REXO1: variants seen among roughly 807,000 people sequenced by gnomAD.
REXO1 encodes the protein RNA exonuclease 1 homolog.
In REXO1, 42 loss-of-function variants were observed where a neutral mutation model predicts 102.6. The ratio of observed to expected loss-of-function variants is 0.41; its 90% CI spans 0.32 to 0.53. The LOEUF is 0.53. REXO1 is among the 20% of genes least tolerant of loss of function. The pLI is 0.27. For synonymous variants in REXO1, 908 were observed against 779.1 expected, an observed-to-expected ratio of 1.17 and a Z score of -2.76; for missense variants, 1,819 against 1,732.5, an observed-to-expected ratio of 1.05 and a Z score of -0.89.
At position 1,815,783 on chromosome 19, in the gene REXO1, C is replaced by T. The variant is rs545843452; in HGVS notation, c.*283G>A. On this transcript the variant is annotated 3_prime_UTR_variant, in exon 16 of 16. Transcript: ENST00000170168. The surrounding 1 kb of genome is among the most constrained non-coding windows in gnomAD (Gnocchi z 4.0). ...CTGGCAGGAGGGGCAGGAGGGGCTG[C>T]GGGCCGGGTGGGGGCGGGCTCTGTC... 8.3e-6 allele frequency: 12 copies of T among 1,439,590 alleles called. No homozygotes were observed. The East Asian group carries it at 1.0e-4, about 12-fold the overall frequency. 89.2% of individuals were successfully genotyped at this position (1,439,590 alleles called of 1,614,324 possible). A position where few individuals can be genotyped will look rare whatever the true frequency, so the allele number is the denominator to read the frequency against.
intron 1 of REXO1, among the ~76,000 whole-genome samples, chr19:1,841,323 T>C (rs2011265751): frequency 6.6e-6 from 1 of 152,194 alleles, no homozygotes. Context: ...CACCCAGCGC[T>C]CCCCGGAAAC....
chr19:1,837,785 C>T (rs1167369984), intron 1 of REXO1, among the ~76,000 whole-genome samples: 1 of 152,198 alleles, frequency 6.6e-6, no homozygotes, highest in Non-Finnish European at 1.5e-5. Context: ...GTGCCAGGAC[C>T]GCCCAGCAGG....
intron 1 of REXO1, among the ~76,000 whole-genome samples, chr19:1,831,845 CAAAAAAA>C (rs745676775): frequency 1.6e-4 from 8 of 51,298 alleles, no homozygotes; most frequent in Non-Finnish European, 2.1e-4. Context: ...AACTCCATCT[CAAAAAAA>C]AAAAAAAAAA....
intron 1 of REXO1, among the ~76,000 whole-genome samples, chr19:1,841,068 C>T (rs1223503282): frequency 6.6e-6 from 1 of 152,204 alleles, no homozygotes; most frequent in Non-Finnish European, 1.5e-5. Flanking sequence ...AGGGATCGCC[C>T]CGAAACAGCC....
chr19:1,830,331 ATC>A (rs2069869202), intron 1 of REXO1, among the ~76,000 whole-genome samples: 1 of 152,136 alleles, frequency 6.6e-6, no homozygotes. Context: ...GATGACACAG[ATC>A]CCATCTCTTA....
At chr19:1,831,641 G>A (rs1310487971) in intron 1 of REXO1, among the ~76,000 whole-genome samples, 5 of 151,572 alleles carry the variant, frequency 3.3e-5, no homozygotes, top group East Asian at 1.9e-4. Flanking sequence ...TCAGGAGTTC[G>A]AGACCAGCCT....
chr19:1,826,042 G>GT lies in REXO1; in HGVS notation c.1912-100dup. Reference sequence around the variant, plus strand: ...CCCCCGGCAAGTGGGGAATGGAACAGTCCAGCCCCCAGGCACAGCAGCTGA... The same window carrying GT: ...CCCCCGGCAAGTGGGGAATGGAACAGTTCCAGCCCCCAGGCACAGCAGCTGA... On this transcript the variant is annotated intron_variant, in intron 2 of 15. Transcript: ENST00000170168. This position sits in a 1 kb window ranked among gnomAD's most constrained non-coding sequence, Gnocchi z 4.3. 1.2e-6 allele frequency: 1 copy of GT among 820,230 alleles called. No homozygotes were observed. Among genetic ancestry groups the GT allele is most frequent in the Non-Finnish European group, 2.1e-6 (1 of 484,168 alleles). 50.8% of individuals were successfully genotyped at this position (820,230 alleles called of 1,614,324 possible). A position where few individuals can be genotyped will look rare whatever the true frequency, so the allele number is the denominator to read the frequency against.
intron 1 of REXO1, among the ~76,000 whole-genome samples, chr19:1,829,243 G>A (rs1270189336): frequency 1.3e-5 from 2 of 152,184 alleles, no homozygotes; most frequent in East Asian, 3.9e-4. Context: ...AAAATCCACA[G>A]GAAGATTTTT....
Position 1,848,381 on chromosome 19 carries a change from C to T in REXO1, c.-23G>A, listed in dbSNP as rs947332818. The T allele has an allele frequency of 1.7e-6, 2 of 1,196,620 alleles. No homozygotes were observed. The highest frequency in any genetic ancestry group is 2.1e-6 in the Non-Finnish European group (2 of 959,950). The allele number at this position is 1,196,620 out of a possible 1,614,324, so 74.1% of individuals were successfully genotyped here. A position where few individuals can be genotyped will look rare whatever the true frequency, so the allele number is the denominator to read the frequency against. On this transcript the variant is annotated 5_prime_UTR_variant, in exon 1 of 16. Transcript: ENST00000170168. ...CATGGTCCGTCCCGCGGCGGGGCCC[C>T]GGCCCGGAGCCGCCCGGGCCCCAGG...
chr19:1,826,530 G>C lies in REXO1; in HGVS notation c.1911+348C>G, dbSNP rs2069728552. Among the ~76,000 whole-genome samples, 1 of 151,156 alleles carries C rather than the reference G, an allele frequency of 6.6e-6. No homozygotes were observed. Among genetic ancestry groups the C allele is most frequent in the African/African-American group, 2.4e-5 (1 of 41,066 alleles). On this transcript the variant is annotated intron_variant, in intron 2 of 15. Coordinates refer to ENST00000170168, the MANE Select transcript of REXO1 (RefSeq NM_020695.4). This position sits in a 1 kb window ranked among gnomAD's most constrained non-coding sequence, Gnocchi z 4.3. ...GGAAGGGAGGAAAGGGGAGGCGAGGGGAGAGGGGCTAGAAGGGTGTGCCGG... is the reference window on the plus strand; with the variant it reads ...GGAAGGGAGGAAAGGGGAGGCGAGGCGAGAGGGGCTAGAAGGGTGTGCCGG...
chr19:1,848,098 G>A (rs2011637268), intron 1 of REXO1, 104 bp downstream of exon 1: 1 of 530,944 alleles, frequency 1.9e-6, no homozygotes, highest in Non-Finnish European at 2.8e-6. Flanking sequence ...CGAACGTGTG[G>A]GGAGGAGGCT....
Position 1,843,204 on chromosome 19 carries a change from G to A in REXO1, c.157+4998C>T, listed in dbSNP as rs376162412. 7.8e-3 allele frequency among the ~76,000 whole-genome samples: 1,185 copies of A among 151,270 alleles called. 19 individuals are homozygous for A. The highest frequency in any genetic ancestry group is 0.026 in the African/African-American group (1,086 of 41,176). On this transcript the variant is annotated intron_variant, in intron 1 of 15. Coordinates refer to ENST00000170168, the MANE Select transcript of REXO1 (RefSeq NM_020695.4). ...TGGGCGAAGCTTCAACCCCCAGCCC[G>A]GAGGGTCCCAGCTCCCCGGGCCCAG... is the stretch of plus-strand genomic sequence containing the variant.
At chr19:1,817,142 G>A in intron 12 of REXO1, 77 bp downstream of exon 12, 3 of 1,567,170 alleles carry the variant, frequency 1.9e-6, no homozygotes, top group Non-Finnish European at 2.6e-6. Context: ...AGGCCCAGAT[G>A]GGGCCAGATG....
chr19:1,846,929 G>A (rs944063831), intron 1 of REXO1, among the ~76,000 whole-genome samples: 1 of 152,154 alleles, frequency 6.6e-6, no homozygotes, highest in African/African-American at 2.4e-5. Context: ...TGAGTCTGGT[G>A]TCACAGCCTC....
chr19:1,842,281 G>A (rs2145332202), intron 1 of REXO1, among the ~76,000 whole-genome samples: 1 of 151,586 alleles, frequency 6.6e-6, no homozygotes, highest in African/African-American at 2.4e-5. Context: ...CGCCAGACCG[G>A]CATCCTCATC....
At chr19:1,821,216 G>A (rs2069527158) in intron 5 of REXO1, among the ~76,000 whole-genome samples, 1 of 151,302 alleles carries the variant, frequency 6.6e-6, no homozygotes, top group African/African-American at 2.4e-5. Flanking sequence ...GTGGTGGCGG[G>A]CGCCTGTAGT....
Position 1,828,079 on chromosome 19 carries a change from A to G in REXO1, c.710T>C (p.Leu237Pro), listed in dbSNP as rs1386494145. 6.2e-7 allele frequency: 1 copy of G among 1,613,006 alleles called. No homozygotes were observed. The highest frequency in any genetic ancestry group is 1.3e-5 in the African/African-American group (1 of 74,894). The change falls in exon 2 of 16, where the codon CTC becomes CCC. Residue 237 changes from leucine (L) to proline (P), a missense_variant. Leu to Pro is a moderately conservative substitution (Grantham distance 98). Coordinates refer to ENST00000170168, the MANE Select transcript of REXO1 (RefSeq NM_020695.4). ...GAGGTGCCGGGCCGAGTAGTTGGAG[A>G]GAGGGTCATACTCCAGGTCTGTGGG... is the stretch of plus-strand genomic sequence containing the variant. Reference protein sequence around the residue: ...RPPTDLEYDPLSNYSARHLSR... With the variant: ...RPPTDLEYDPPSNYSARHLSR...
intron 1 of REXO1, chr19:1,830,763 C>G (rs533782758): frequency 4.9e-4 from 105 of 213,784 alleles, no homozygotes; most frequent in Non-Finnish European, 8.8e-4. Flanking sequence ...TCGCAACCAT[C>G]CCATGCAGCT....
Position 1,815,980 on chromosome 19 carries a change from C to G in REXO1, c.*86G>C, listed in dbSNP as rs1242836179. The G allele has an allele frequency of 2.6e-6, 4 of 1,535,924 alleles. No individual in the cohort carries two copies. Among genetic ancestry groups the G allele is most frequent in the Middle Eastern group, 3.3e-4 (2 of 5,992 alleles). On this transcript the variant is annotated 3_prime_UTR_variant, in exon 16 of 16. Transcript: ENST00000170168. This position sits in a 1 kb window ranked among gnomAD's most constrained non-coding sequence, Gnocchi z 4.0. ...TGCCTCGGCCAGGTGGACGGGTTACCGGAGATTTATTGCACTGTTTTGGAA... is the reference window on the plus strand; with the variant it reads ...TGCCTCGGCCAGGTGGACGGGTTACGGGAGATTTATTGCACTGTTTTGGAA...
Sources: allele counts gnomAD v4.1 joint callset (sites outside exome capture counted in the v4.1 genomes callset), GRCh38; gene constraint gnomAD v4.1.1; non-coding constraint Gnocchi (gnomAD v3.1); transcripts MANE v1.5; gene names NCBI Gene and HGNC (gene_info 2026-07-23, HGNC 2026-07-21).